Variants in KCNH1 observed in about 807,000 individuals in gnomAD.
KCNH1 encodes voltage-gated delayed rectifier potassium channel KCNH1.
In KCNH1, 27 loss-of-function variants were observed where a neutral mutation model predicts 69.2. That is an observed-to-expected ratio of 0.39 (90% CI 0.29 to 0.54). KCNH1 has a LOEUF of 0.54. Among genes scored for constraint, KCNH1 ranks in the 20% least tolerant of loss-of-function variants. KCNH1 has a pLI of 0.68. For synonymous variants in KCNH1, 456 were observed against 487.7 expected (o/e 0.93, Z 0.86); for missense variants, 798 against 1,261.6 (o/e 0.63, Z 5.57).
chr1:210,859,170 T>G (rs1685919940), intron 7 of KCNH1: 1 of 1,531,564 alleles, frequency 6.5e-7, no homozygotes, highest in African/African-American at 1.4e-5. Context: ...AAGAAAGAGA[T>G]AACTCAATTC....
intron 10 of KCNH1, among the ~76,000 whole-genome samples, chr1:210,709,208 C>T (rs1040115287): frequency 5.9e-5 from 9 of 152,190 alleles, no homozygotes; most frequent in African/African-American, 2.2e-4. Flanking sequence ...GAGATTGTAC[C>T]ACTGCACTCC....
intron 7 of KCNH1, among the ~76,000 whole-genome samples, chr1:210,902,089 G>C (rs1322039594): frequency 6.6e-6 from 1 of 152,082 alleles, no homozygotes; most frequent in Non-Finnish European, 1.5e-5. Flanking sequence ...CAGACTCCAA[G>C]GAAACATCAA....
chr1:210,717,974 G>C (rs1682303492), intron 10 of KCNH1, among the ~76,000 whole-genome samples: 1 of 151,990 alleles, frequency 6.6e-6, no homozygotes, highest in Non-Finnish European at 1.5e-5. Flanking sequence ...AGGCGTGGTG[G>C]TGTGCACCTT....
chr1:210,767,907 T>C (rs971933009), intron 10 of KCNH1, among the ~76,000 whole-genome samples: 1 of 152,168 alleles, frequency 6.6e-6, no homozygotes, highest in African/African-American at 2.4e-5. Flanking sequence ...TCCTCCTCCT[T>C]CCTCTCTTCC....
At chr1:210,712,231 A>G (rs1009084024) in intron 10 of KCNH1, among the ~76,000 whole-genome samples, 1 of 152,240 alleles carries the variant, frequency 6.6e-6, no homozygotes, top group Non-Finnish European at 1.5e-5. Flanking sequence ...GAGTGGTGAT[A>G]TTTGCCTTTC....
chr1:211,111,379 G>A (rs563378369), intron 1 of KCNH1, among the ~76,000 whole-genome samples: 36 of 145,976 alleles, frequency 2.5e-4, no homozygotes, highest in Non-Finnish European at 4.4e-4. Context: ...ACCTCTGCCC[G>A]GCCACCGCAT....
chr1:210,793,320 T>C (rs999217791), intron 9 of KCNH1, among the ~76,000 whole-genome samples: 8 of 152,176 alleles, frequency 5.3e-5, no homozygotes, highest in Non-Finnish European at 7.4e-5. Context: ...TAGTGGGTCA[T>C]GATGGTCATT....
At position 210,919,584 on chromosome 1, in the gene KCNH1, C is replaced by T; in HGVS notation, c.1462+56G>A. The T allele has an allele frequency of 6.8e-7, 1 of 1,477,994 alleles. No homozygotes were observed. The highest frequency in any genetic ancestry group is 9.3e-7 in the Non-Finnish European group (1 of 1,072,130). The allele number at this position is 1,477,994 out of a possible 1,614,324, so 91.6% of individuals were successfully genotyped here. ...TCCTGCTGGCACTGTAGCCATTTCC[C>T]TGTTTCCAGCTAACAGAAGAGATGG... On this transcript the variant is annotated intron_variant, in intron 7 of 10. Coordinates refer to ENST00000271751, the MANE Select transcript of KCNH1 (RefSeq NM_172362.3). This position sits in a 1 kb window ranked among gnomAD's most constrained non-coding sequence, Gnocchi z 4.2.
intron 5 of KCNH1, among the ~76,000 whole-genome samples, chr1:211,077,770 A>G (rs1318713369): frequency 6.6e-6 from 1 of 152,200 alleles, no homozygotes; most frequent in Non-Finnish European, 1.5e-5. Context: ...ATTAACCTTA[A>G]AAGTAAATGG....
At chr1:210,846,261 C>T (rs182176654) in intron 7 of KCNH1, among the ~76,000 whole-genome samples, 33 of 152,196 alleles carry the variant, frequency 2.2e-4, no homozygotes, top group African/African-American at 7.0e-4. Flanking sequence ...AAAAAGAGCC[C>T]GCATCGCCAA....
intron 10 of KCNH1, among the ~76,000 whole-genome samples, chr1:210,695,560 T>C (rs1681620491): frequency 6.6e-6 from 1 of 152,162 alleles, no homozygotes; most frequent in South Asian, 2.1e-4. Context: ...CCTCCTTCCC[T>C]CAATGATAAG....
At chr1:210,990,386 G>A (rs775384924) in intron 6 of KCNH1, among the ~76,000 whole-genome samples, 4 of 152,310 alleles carry the variant, frequency 2.6e-5, no homozygotes, top group South Asian at 2.1e-4. Context: ...CCTGCTGGCC[G>A]TTACTCATGT....
chr1:211,114,776 T>G (rs1691536586), intron 1 of KCNH1, among the ~76,000 whole-genome samples: 1 of 152,156 alleles, frequency 6.6e-6, no homozygotes, highest in Non-Finnish European at 1.5e-5. Context: ...TTTTTTGCAC[T>G]CAGTAAACAG....
intron 6 of KCNH1, among the ~76,000 whole-genome samples, chr1:210,999,597 T>C (rs1346353243): frequency 6.6e-6 from 1 of 152,210 alleles, no homozygotes; most frequent in African/African-American, 2.4e-5. Flanking sequence ...AAGGAGGAGC[T>C]GGTACCATTC....
At chr1:210,788,668 C>A (rs889953421) in intron 9 of KCNH1, among the ~76,000 whole-genome samples, 12 of 136,494 alleles carry the variant, frequency 8.8e-5, no homozygotes, top group African/African-American at 2.9e-4. Flanking sequence ...CTAGATTATT[C>A]ATATTATAGC....
intron 5 of KCNH1, among the ~76,000 whole-genome samples, chr1:211,079,655 G>A (rs1342041854): frequency 2.0e-5 from 3 of 152,124 alleles, no homozygotes; most frequent in African/African-American, 7.2e-5. Flanking sequence ...ATGCAAGGCT[G>A]GTTCAACATA....
intron 7 of KCNH1, among the ~76,000 whole-genome samples, chr1:210,888,806 A>G (rs956285990): frequency 6.6e-6 from 1 of 152,248 alleles, no homozygotes. Context: ...GAAAATCTGG[A>G]AGTGGATAAA....
At chr1:211,097,728 T>C (rs886093418) in intron 3 of KCNH1, among the ~76,000 whole-genome samples, 3 of 152,196 alleles carry the variant, frequency 2.0e-5, no homozygotes, top group African/African-American at 7.2e-5. Context: ...GTAATCAATA[T>C]GTACCTGGCC....
intron 6 of KCNH1, among the ~76,000 whole-genome samples, chr1:210,975,403 G>C (rs925962922): frequency 6.6e-6 from 1 of 152,120 alleles, no homozygotes. Context: ...AAACAGAGAT[G>C]TAGACCAATG....
Sources: gnomAD v4.1 joint callset for allele counts (sites outside exome capture counted in the v4.1 genomes callset) on GRCh38, gnomAD v4.1.1 for gene constraint, Gnocchi (gnomAD v3.1) non-coding constraint, MANE v1.5 for transcripts, NCBI Gene and HGNC (gene_info 2026-07-23, HGNC 2026-07-21) for gene names.